The following FBXO34 variants were observed in gnomAD, a reference collection of about 807,000 sequenced individuals.
The protein encoded by FBXO34 is F-box protein 34, also known as F-box only protein 34.
Under a neutral mutation model 24.5 loss-of-function variants are expected in FBXO34, and 12 were observed. The observed-to-expected ratio is 0.49, with a 90% CI of 0.31 to 0.79. The LOEUF (loss-of-function observed/expected upper bound fraction) is 0.79. FBXO34 is among the 30% of genes least tolerant of loss of function. The pLI, the probability that FBXO34 is intolerant of heterozygous loss-of-function variation, is 0.04. For missense variants in FBXO34, 823 were observed against 857.7 expected (o/e 0.96, Z 0.51); for synonymous variants, 320 against 311.9 (o/e 1.03, Z -0.27).
At chr14:55,327,621 T>C (rs1052390032) in intron 1 of FBXO34, among the ~76,000 whole-genome samples, 14 of 152,044 alleles carry the variant, frequency 9.2e-5, no homozygotes, top group African/African-American at 3.4e-4. Flanking sequence ...AGGAAAGATT[T>C]TGGAGAGTAG....
the FBXO34 span, among the ~76,000 whole-genome samples, chr14:55,385,655 A>G: frequency 4.6e-4 from 70 of 152,182 alleles, 1 homozygote; most frequent in Non-Finnish European, 7.3e-5. Context: ...AGGACAGTAC[A>G]CAAGTGTGGG....
At chr14:55,369,096 C>G (rs1360697568), downstream of FBXO34, 1 of 152,574 alleles carries the variant, frequency 6.6e-6, no homozygotes, top group Non-Finnish European at 1.5e-5. Context: ...ATCAAAGGAC[C>G]AAATTAGAAA....
intron 1 of FBXO34, among the ~76,000 whole-genome samples, chr14:55,312,898 C>T (rs1882796494): frequency 6.6e-6 from 1 of 152,202 alleles, no homozygotes; most frequent in Admixed American, 6.5e-5. Flanking sequence ...AGACATTTTC[C>T]CCATCATCTT....
At chr14:55,426,713 T>TA in the FBXO34 span, among the ~76,000 whole-genome samples, 145 of 145,826 alleles carry the variant, frequency 9.9e-4, no homozygotes, top group African/African-American at 1.6e-3. Context: ...CTGGCCAGAT[T>TA]AAAAAAAAAA....
downstream of FBXO34, among the ~76,000 whole-genome samples, chr14:55,371,632 G>A (rs1884819349): frequency 1.3e-5 from 2 of 152,102 alleles, 1 homozygote; most frequent in Admixed American, 1.3e-4. Context: ...GTGAAACCCT[G>A]TCTCTACTAA....
chr14:55,352,747 A>G lies in FBXO34; in HGVS notation c.*221A>G, dbSNP rs1016963679. 1 of 497,954 alleles carries G rather than the reference A, an allele frequency of 2.0e-6. No individual in the cohort carries two copies. Among genetic ancestry groups the G allele is most frequent in the Admixed American group, 3.9e-5 (1 of 25,890 alleles). 30.8% of individuals were successfully genotyped at this position (497,954 alleles called of 1,614,324 possible). A position where few individuals can be genotyped will look rare whatever the true frequency, so the allele number is the denominator to read the frequency against. On this transcript the variant is annotated 3_prime_UTR_variant, in exon 2 of 2. Transcript: ENST00000313833. ...CATCTCATGTTTGAACCCGGGTGGT[A>G]TCCCACAGTTGGATTCAGTTGGCTG...
the FBXO34 span, chr14:55,380,712 C>T: frequency 2.0e-6 from 3 of 1,513,820 alleles, no homozygotes; most frequent in East Asian, 4.6e-5. Flanking sequence ...AAACAACCAC[C>T]ATGTACAAAA....
the FBXO34 span, among the ~76,000 whole-genome samples, chr14:55,416,423 C>G: frequency 6.6e-6 from 1 of 151,576 alleles, no homozygotes; most frequent in Non-Finnish European, 1.5e-5. Flanking sequence ...GACACCCTGT[C>G]TCCATAAAAA....
At chr14:55,295,007 G>A (rs150860665) in intron 1 of FBXO34, among the ~76,000 whole-genome samples, 3 of 152,324 alleles carry the variant, frequency 2.0e-5, no homozygotes, top group Admixed American at 6.5e-5. Flanking sequence ...ATCTAACGCA[G>A]AACCTACCTT....
the FBXO34 span, among the ~76,000 whole-genome samples, chr14:55,432,282 G>A: frequency 2.0e-5 from 3 of 150,458 alleles, no homozygotes; most frequent in African/African-American, 4.9e-5. Flanking sequence ...GCCTGGTGGT[G>A]CATACCTGTG....
chr14:55,383,242 G>GAA, the FBXO34 span, among the ~76,000 whole-genome samples: 3 of 151,774 alleles, frequency 2.0e-5, no homozygotes, highest in Non-Finnish European at 2.9e-5. Flanking sequence ...ATATTCGGGG[G>GAA]AAAAAAAGAA....
At chr14:55,393,172 G>A in the FBXO34 span, among the ~76,000 whole-genome samples, 1 of 152,116 alleles carries the variant, frequency 6.6e-6, no homozygotes, top group Admixed American at 6.5e-5. Flanking sequence ...ACGAGGTCAG[G>A]AGATTGAGAC....
At chr14:55,417,828 G>T in the FBXO34 span, among the ~76,000 whole-genome samples, 36 of 152,186 alleles carry the variant, frequency 2.4e-4, no homozygotes, top group African/African-American at 8.4e-4. Flanking sequence ...GGTGACTAAG[G>T]TGAAAATTGT....
intron 1 of FBXO34, among the ~76,000 whole-genome samples, chr14:55,332,928 A>G (rs1398112478): frequency 6.6e-6 from 1 of 152,224 alleles, no homozygotes; most frequent in Non-Finnish European, 1.5e-5. Context: ...CAGCTGGCGC[A>G]TTAGCCCCAA....
chr14:55,349,741 G>A (rs1489863036), intron 1 of FBXO34, among the ~76,000 whole-genome samples: 1 of 151,632 alleles, frequency 6.6e-6, no homozygotes, highest in Non-Finnish European at 1.5e-5. Context: ...CGAGTAGCTG[G>A]GATTACAGGC....
chr14:55,314,335 C>T lies in FBXO34; in HGVS notation c.-10-36046C>T, dbSNP rs149166004. On this transcript the variant is annotated intron_variant, in intron 1 of 1. Transcript: ENST00000313833. ...CAGTTTCTCACAACTTAAGTGGAAACGGTCTTAACAGTGCTTTGACAGACT... is the reference window on the plus strand; with the variant it reads ...CAGTTTCTCACAACTTAAGTGGAAATGGTCTTAACAGTGCTTTGACAGACT... 5.1e-4 allele frequency among the ~76,000 whole-genome samples: 77 copies of T among 152,286 alleles called. 1 individual carries two copies. The East Asian group carries it at 0.01, about 21-fold the overall frequency.
the FBXO34 span, chr14:55,386,134 A>G: frequency 1.3e-6 from 2 of 1,557,550 alleles, no homozygotes; most frequent in South Asian, 1.2e-5. Context: ...TTATCTCTGC[A>G]AACAGTTCCT....
the FBXO34 span, among the ~76,000 whole-genome samples, chr14:55,432,245 CAAA>C: frequency 1.6e-5 from 2 of 121,978 alleles, no homozygotes; most frequent in African/African-American, 3.0e-5. Flanking sequence ...CCCGTCTCTA[CAAA>C]AAAAAAAAAA....
At chr14:55,393,198 G>A in the FBXO34 span, among the ~76,000 whole-genome samples, 152 of 150,286 alleles carry the variant, frequency 1.0e-3, no homozygotes, top group African/African-American at 3.3e-3. Flanking sequence ...TGGCTAACAC[G>A]GTGAAACCCC....
Sources: allele counts gnomAD v4.1 joint callset (sites outside exome capture counted in the v4.1 genomes callset), GRCh38; gene constraint gnomAD v4.1.1; transcripts MANE v1.5; gene names NCBI Gene and HGNC (gene_info 2026-07-23, HGNC 2026-07-21).